CDH3: variants seen among roughly 807,000 people sequenced by gnomAD.
CDH3 encodes the protein cadherin 3.
In CDH3, 54 loss-of-function variants were observed where a neutral mutation model predicts 82.0. The observed-to-expected ratio is 0.66, with a 90% CI of 0.53 to 0.83. The LOEUF (loss-of-function observed/expected upper bound fraction) is 0.83, where lower values mean the gene tolerates loss of function less well. Among genes scored for constraint, CDH3 ranks in the 40% least tolerant of loss-of-function variants. CDH3 has a pLI of 0.00. For missense variants in CDH3, 1,054 were observed against 1,084.6 expected (o/e 0.97, Z 0.40); for synonymous variants, 446 against 437.9 (o/e 1.02, Z -0.23).
intron 8 of CDH3, among the ~76,000 whole-genome samples, chr16:68,681,392 A>G (rs1428701269): frequency 1.3e-5 from 2 of 152,236 alleles, no homozygotes; most frequent in Non-Finnish European, 2.9e-5. Flanking sequence ...ATTTGAAAAC[A>G]TATTTTCCTT....
chr16:68,679,090 A>C (rs1277055171), intron 6 of CDH3, among the ~76,000 whole-genome samples, 184 bp downstream of exon 6: 1 of 152,178 alleles, frequency 6.6e-6, no homozygotes, highest in Non-Finnish European at 1.5e-5. Flanking sequence ...AGAGCTCTGG[A>C]ATCTGTATAT....
chr16:68,721,204 G>A (rs1174067523), intron 1 of CDH3, among the ~76,000 whole-genome samples: 1 of 149,124 alleles, frequency 6.7e-6, no homozygotes, highest in Non-Finnish European at 1.5e-5. Context: ...AGTGTTCCTG[G>A]ACCTTACCCT....
At chr16:68,646,348 G>A (rs1003869106) in intron 2 of CDH3, among the ~76,000 whole-genome samples, 1 of 152,114 alleles carries the variant, frequency 6.6e-6, no homozygotes, top group East Asian at 1.9e-4. Flanking sequence ...GGGCCATCAC[G>A]TACGGGAACC....
In CDH3 at chr16:68,678,903, C is replaced by A. The variant is rs752509142; in HGVS notation, c.688C>A (p.Pro230Thr). 2 of 1,613,364 alleles carry A rather than the reference C, an allele frequency of 1.2e-6. No individual in the cohort carries two copies. Among genetic ancestry groups the A allele is most frequent in the African/African-American group, 1.3e-5 (1 of 74,922 alleles). The change falls in exon 6 of 16, where the codon CCA becomes ACA. Residue 230 changes from proline to threonine, a missense_variant. Pro to Thr is a conservative substitution (Grantham distance 38). Transcript: ENST00000264012. ...FRGSVLEGVL[P>T]GTSVMQVTAT... is the part of the protein sequence containing the mutation. ...AGGGAGTGTCTTAGAGGGAGTCCTA[C>A]CAGGTAAGAGGACTGGGAAGGGGAC...
In CDH3 at chr16:68,678,907, G is replaced by C. The variant is rs758051035; in HGVS notation, c.691+1G>C. ...AGTGTCTTAGAGGGAGTCCTACCAG[G>C]TAAGAGGACTGGGAAGGGGACTGCT... On this transcript the variant is annotated splice_donor_variant, in intron 6 of 15. Coordinates refer to ENST00000264012, the MANE Select transcript of CDH3 (RefSeq NM_001793.6). LOFTEE classifies it high-confidence loss of function. 6.2e-7 allele frequency: 1 copy of C among 1,613,374 alleles called. No homozygotes were observed. Among genetic ancestry groups the C allele is most frequent in the Non-Finnish European group, 8.5e-7 (1 of 1,179,858 alleles).
chr16:68,647,553 G>C (rs780868045), intron 2 of CDH3, among the ~76,000 whole-genome samples: 1 of 152,082 alleles, frequency 6.6e-6, no homozygotes, highest in Non-Finnish European at 1.5e-5. Flanking sequence ...AGCACACCTG[G>C]GTTATACAAC....
intron 1 of CDH3, among the ~76,000 whole-genome samples, chr16:68,710,889 A>G (rs897800334): frequency 7.2e-6 from 1 of 139,314 alleles, no homozygotes; most frequent in Non-Finnish European, 1.6e-5. Flanking sequence ...GAGAGAGAGA[A>G]AGAAGAAAAG....
chr16:68,733,499 T>G, the CDH3 span, among the ~76,000 whole-genome samples: 4 of 152,022 alleles, frequency 2.6e-5, no homozygotes, highest in African/African-American at 9.7e-5. Flanking sequence ...TCCCAGCACT[T>G]TGGGAGGCTG....
downstream of CDH3, among the ~76,000 whole-genome samples, chr16:68,704,632 T>C (rs1035106380): frequency 3.3e-5 from 5 of 152,252 alleles, no homozygotes; most frequent in Non-Finnish European, 7.3e-5. Flanking sequence ...GGCTGCCACA[T>C]GCCACACAGG....
chr16:68,648,086 A>G (rs1597787013), intron 2 of CDH3, among the ~76,000 whole-genome samples: 1 of 152,168 alleles, frequency 6.6e-6, no homozygotes, highest in East Asian at 1.9e-4. Context: ...AGGTGAGGTA[A>G]ATGTTAAACA....
In CDH3 at chr16:68,697,584, A is replaced by C. The variant is rs144077543; in HGVS notation, c.2281-607A>C. On this transcript the variant is annotated intron_variant, in intron 15 of 15. Coordinates refer to ENST00000264012, the MANE Select transcript of CDH3 (RefSeq NM_001793.6). ...TCAGAAACCACTGATGCCTCAGCTCACCTCCAAAGATTGTGATATAATTGA... is the reference window on the plus strand; with the variant it reads ...TCAGAAACCACTGATGCCTCAGCTCCCCTCCAAAGATTGTGATATAATTGA... 3.3e-5 allele frequency among the ~76,000 whole-genome samples: 5 copies of C among 152,256 alleles called. No individual in the cohort carries two copies. In the East Asian group the frequency reaches 7.7e-4, roughly 24 times the overall value.
intron 15 of CDH3, 36 bp from the exon 16 acceptor site, chr16:68,698,155 C>T (rs764515576): frequency 6.2e-7 from 1 of 1,604,500 alleles, no homozygotes; most frequent in South Asian, 1.1e-5. Flanking sequence ...GAGGCAGGAC[C>T]CGCCGCTCCT....
chr16:68,731,074 A>ATATATATATATATAAT (rs1280798918), downstream of CDH3, among the ~76,000 whole-genome samples: 4 of 124,952 alleles, frequency 3.2e-5, no homozygotes, highest in Admixed American at 3.6e-4. Flanking sequence ...ATATATATAT[A>ATATATATATATATAAT]TATAATTATA....
At chr16:68,721,919 A>G (rs1459332211) in intron 1 of CDH3, among the ~76,000 whole-genome samples, 3 of 151,940 alleles carry the variant, frequency 2.0e-5, no homozygotes, top group African/African-American at 7.3e-5. Context: ...GTGAAACCCT[A>G]TCTCTACTAA....
At chr16:68,703,797 A>C (rs1597825594), downstream of CDH3, among the ~76,000 whole-genome samples, 1 of 151,888 alleles carries the variant, frequency 6.6e-6, no homozygotes, top group African/African-American at 2.4e-5. Context: ...AAATTTAAAA[A>C]TTAGCTGGGC....
At chr16:68,668,400 G>C (rs1320990748) in intron 2 of CDH3, among the ~76,000 whole-genome samples, 1 of 152,166 alleles carries the variant, frequency 6.6e-6, no homozygotes, top group Admixed American at 6.5e-5. Context: ...GATGAGACCT[G>C]GTTTCGTATC....
At position 68,698,898 on chromosome 16, in the gene CDH3, G is replaced by A. The variant is rs746152331; in HGVS notation, c.*498G>A. 9.7e-5 allele frequency: 16 copies of A among 164,174 alleles called. No homozygotes were observed. The highest frequency in any genetic ancestry group is 1.5e-4 in the Non-Finnish European group (11 of 75,576). 10.2% of individuals were successfully genotyped at this position (164,174 alleles called of 1,614,324 possible). A position where few individuals can be genotyped will look rare whatever the true frequency, so the allele number is the denominator to read the frequency against. On this transcript the variant is annotated 3_prime_UTR_variant, in exon 16 of 16. Transcript: ENST00000264012. Reference sequence around the variant, plus strand: ...TTCCAGACCCCAATGCCTCCCATTCGGATGGATCTCTGCGTTTTTATACTG... The same window carrying A: ...TTCCAGACCCCAATGCCTCCCATTCAGATGGATCTCTGCGTTTTTATACTG...
intron 2 of CDH3, among the ~76,000 whole-genome samples, chr16:68,647,951 T>C (rs1197031984): frequency 1.3e-5 from 2 of 152,136 alleles, no homozygotes; most frequent in Non-Finnish European, 2.9e-5. Flanking sequence ...ATCAAGGGTG[T>C]CTATGAAGTT....
intron 13 of CDH3, among the ~76,000 whole-genome samples, chr16:68,694,799 C>CGACGAAAG (rs1248778206): frequency 2.6e-5 from 4 of 152,000 alleles, no homozygotes; most frequent in African/African-American, 9.7e-5. Flanking sequence ...CCCGACATCC[C>CGACGAAAG]GACGAAAGGT....
Sources: allele counts gnomAD v4.1 joint callset (sites outside exome capture counted in the v4.1 genomes callset), GRCh38; gene constraint gnomAD v4.1.1; transcripts MANE v1.5; gene names NCBI Gene and HGNC (gene_info 2026-07-23, HGNC 2026-07-21).